The following RYK variants were observed in gnomAD, a reference collection of about 807,000 sequenced individuals.
RYK encodes the protein receptor like tyrosine kinase.
RYK carries 21 observed loss-of-function variants against 70.2 expected under a neutral mutation model. That is an observed-to-expected ratio of 0.30 (90% confidence interval 0.21 to 0.43). The LOEUF (loss-of-function observed/expected upper bound fraction) is 0.43, where lower values mean the gene tolerates loss of function less well. Ranked by LOEUF, RYK falls within the 20% of genes least tolerant of loss-of-function variation. The pLI is 1.00. For missense variants in RYK, 604 were observed against 753.3 expected (o/e 0.80, Z 2.32); for synonymous variants, 267 against 278.0 (o/e 0.96, Z 0.39).
chr3:134,245,287 C>T (rs1437023378), intron 1 of RYK, among the ~76,000 whole-genome samples: 4 of 151,976 alleles, frequency 2.6e-5, no homozygotes, highest in South Asian at 4.2e-4. Context: ...ATAGTTAAAC[C>T]CAAACCCTAA....
At chr3:134,199,755 T>C (rs1031901868) in intron 6 of RYK, among the ~76,000 whole-genome samples, 40 of 152,122 alleles carry the variant, frequency 2.6e-4, no homozygotes, top group Admixed American at 2.0e-3. Flanking sequence ...GCAGAAGAAC[T>C]TTGTCCATCA....
chr3:134,200,243 G>A (rs1016635218), intron 6 of RYK, among the ~76,000 whole-genome samples: 1 of 152,102 alleles, frequency 6.6e-6, no homozygotes, highest in South Asian at 2.1e-4. Flanking sequence ...TTTATGAGCT[G>A]TAACACTGCG....
Position 134,169,985 on chromosome 3 carries a change from C to G in RYK, c.1575+5624G>C, listed in dbSNP as rs2012835720. Among the ~76,000 whole-genome samples the G allele has an allele frequency of 2.0e-5, 3 of 152,210 alleles. No individual in the cohort carries two copies. The South Asian group carries it at 6.2e-4, about 32-fold the overall frequency. ...CCAAATGTTAAAAAGCAATCTTCAA[C>G]AAGTGTGCTTTAAAATATTTTAAGA... On this transcript the variant is annotated intron_variant, in intron 13 of 14. Transcript: ENST00000623711.
chr3:134,249,835 A>G (rs749220386), intron 1 of RYK, among the ~76,000 whole-genome samples: 1 of 151,630 alleles, frequency 6.6e-6, no homozygotes, highest in Non-Finnish European at 1.5e-5. Context: ...GAATCTAAGC[A>G]TATGCTCCAA....
intron 13 of RYK, among the ~76,000 whole-genome samples, chr3:134,167,535 C>CTAGCCATATGTAGAAAGGTGAAACTGGA (rs1559999752): frequency 5.3e-5 from 8 of 152,132 alleles, no homozygotes; most frequent in Non-Finnish European, 1.2e-4. Flanking sequence ...GGAAAACTGG[C>CTAGCCATATGTAGAAAGGTGAAACTGGA]TAGCCATATG....
intron 10 of RYK, chr3:134,181,487 T>C (rs1453863792): frequency 2.6e-5 from 4 of 152,216 alleles, no homozygotes; most frequent in Non-Finnish European, 2.9e-5. Context: ...ATTTTATTTA[T>C]CTTACTGTGG....
intron 13 of RYK, among the ~76,000 whole-genome samples, chr3:134,168,780 A>G (rs571182279): frequency 1.2e-4 from 18 of 152,076 alleles, no homozygotes; most frequent in Non-Finnish European, 2.2e-4. Flanking sequence ...AAAAAATAAA[A>G]TAATAATAAT....
At chr3:134,210,193 A>C (rs1038761600) in intron 3 of RYK, among the ~76,000 whole-genome samples, 4 of 152,232 alleles carry the variant, frequency 2.6e-5, no homozygotes, top group Non-Finnish European at 5.9e-5. Context: ...CTTAACAGAC[A>C]CATCAGCAAT....
chr3:134,195,352 G>T, intron 6 of RYK, 170 bp from the exon 7 acceptor site: 1 of 518,928 alleles, frequency 1.9e-6, no homozygotes, highest in South Asian at 2.5e-5. Flanking sequence ...CTCCTATAGA[G>T]CTCTATTTTT....
At chr3:134,219,658 T>C (rs1229686172) in intron 2 of RYK, among the ~76,000 whole-genome samples, 1 of 152,208 alleles carries the variant, frequency 6.6e-6, no homozygotes, top group Non-Finnish European at 1.5e-5. Flanking sequence ...ATAAGAAGCT[T>C]CTCTGCCTGA....
intron 1 of RYK, among the ~76,000 whole-genome samples, chr3:134,237,895 C>G (rs1443513134): frequency 6.6e-6 from 1 of 152,202 alleles, no homozygotes; most frequent in Non-Finnish European, 1.5e-5. Flanking sequence ...CTTCTAGATT[C>G]TGAGGACAGT....
At chr3:134,196,189 G>A (rs1160918145) in intron 6 of RYK, among the ~76,000 whole-genome samples, 1 of 152,156 alleles carries the variant, frequency 6.6e-6, no homozygotes, top group East Asian at 1.9e-4. Context: ...TGTCTTTTCA[G>A]TGGGGAGAAA....
At chr3:134,234,736 T>C (rs977361653) in intron 1 of RYK, among the ~76,000 whole-genome samples, 1 of 152,148 alleles carries the variant, frequency 6.6e-6, no homozygotes, top group East Asian at 1.9e-4. Flanking sequence ...AATAAAACTT[T>C]TGTTTTTAAT....
At chr3:134,162,070 C>T (rs959011690) in intron 13 of RYK, among the ~76,000 whole-genome samples, 2 of 152,082 alleles carry the variant, frequency 1.3e-5, no homozygotes, top group African/African-American at 2.4e-5. Flanking sequence ...CAGTCCCTGC[C>T]TCTATCTTCA....
chr3:134,216,892 A>G (rs1189047211), intron 2 of RYK, among the ~76,000 whole-genome samples: 1 of 152,030 alleles, frequency 6.6e-6, no homozygotes, highest in Non-Finnish European at 1.5e-5. Context: ...AATACAGAAG[A>G]AACTATCTGT....
chr3:134,181,759 C>T (rs1012688491), intron 10 of RYK: 1 of 152,078 alleles, frequency 6.6e-6, no homozygotes, highest in African/African-American at 2.4e-5. Flanking sequence ...AAAAAATTTG[C>T]TCTAATGTTG....
chr3:134,233,713 T>C (rs2015126290), intron 1 of RYK, among the ~76,000 whole-genome samples: 1 of 152,174 alleles, frequency 6.6e-6, no homozygotes, highest in African/African-American at 2.4e-5. Flanking sequence ...CTCTCTAACA[T>C]ATTAGGCTTC....
intron 1 of RYK, among the ~76,000 whole-genome samples, chr3:134,231,386 C>A (rs898877227): frequency 1.6e-4 from 24 of 152,092 alleles, no homozygotes; most frequent in Non-Finnish European, 2.8e-4. Context: ...TCTAGTTTTA[C>A]CAGCCCAAAC....
intron 9 of RYK, 30 bp downstream of exon 9, chr3:134,188,807 C>A: frequency 7.4e-7 from 1 of 1,351,740 alleles, no homozygotes; most frequent in Non-Finnish European, 1.0e-6. Context: ...AGAAGAGCAT[C>A]ATGGAAATAC....
Sources: gnomAD v4.1 joint callset for allele counts (sites outside exome capture counted in the v4.1 genomes callset) on GRCh38, gnomAD v4.1.1 for gene constraint, MANE v1.5 for transcripts, NCBI Gene and HGNC (gene_info 2026-07-23, HGNC 2026-07-21) for gene names.